DAPK1: variants seen among roughly 807,000 people sequenced by gnomAD.
The protein encoded by DAPK1 is death associated protein kinase 1, also known as death-associated protein kinase 1.
A neutral mutation model predicts 144.9 loss-of-function variants in DAPK1; 56 were observed. That is an observed-to-expected ratio of 0.39 (90% CI 0.31 to 0.48). The LOEUF (loss-of-function observed/expected upper bound fraction) is 0.48, where lower values mean the gene tolerates loss of function less well. Ranked by LOEUF, DAPK1 falls within the 20% of genes least tolerant of loss-of-function variation. The pLI is 0.95. For missense variants in DAPK1, 1,454 were observed against 1,875.4 expected (o/e 0.78, Z 4.15); for synonymous variants, 690 against 749.0 (o/e 0.92, Z 1.29).
In DAPK1 at chr9:87,707,207, A is replaced by G; in HGVS notation, c.4136A>G (p.Lys1379Arg). ...PESTVGTLMS[K>R]LRELGRRDAA... is the part of the protein sequence containing the mutation. ...AGCACAGTGGGCACCCTCATGTCCA[A>G]ACTGAGGGAGCTGGGTCGCCGGGAT... is the stretch of plus-strand genomic sequence containing the variant. The change falls in exon 26 of 26, where the codon AAA becomes AGA. Residue 1379 changes from lysine (K) to arginine (R), a missense_variant. Transcript: ENST00000408954. This position sits in a 1 kb window ranked among gnomAD's most constrained non-coding sequence, Gnocchi z 4.0. 1 of 1,614,158 alleles carries G rather than the reference A, an allele frequency of 6.2e-7. No homozygotes were observed. Among genetic ancestry groups the G allele is most frequent in the Non-Finnish European group, 8.5e-7 (1 of 1,180,032 alleles).
At chr9:87,616,797 G>A (rs1371396832) in intron 3 of DAPK1, among the ~76,000 whole-genome samples, 4 of 152,198 alleles carry the variant, frequency 2.6e-5, no homozygotes, top group Non-Finnish European at 4.4e-5. Flanking sequence ...TCAGTAGAGG[G>A]CCTCAGCCAA....
chr9:87,610,280 T>G (rs1828877838), intron 3 of DAPK1, among the ~76,000 whole-genome samples: 1 of 152,264 alleles, frequency 6.6e-6, no homozygotes, highest in African/African-American at 2.4e-5. Flanking sequence ...TTTCATGTCC[T>G]CCACGTCCCA....
intron 3 of DAPK1, among the ~76,000 whole-genome samples, chr9:87,605,951 G>C (rs1276409127): frequency 3.3e-5 from 5 of 152,212 alleles, no homozygotes; most frequent in African/African-American, 1.2e-4. Flanking sequence ...TTTTGGGATG[G>C]AGGCGAGATG....
chr9:87,509,259 G>C (rs954321845), intron 2 of DAPK1, among the ~76,000 whole-genome samples: 2 of 152,176 alleles, frequency 1.3e-5, no homozygotes, highest in South Asian at 2.1e-4. Context: ...CTGTCCTTAG[G>C]AATTTGGTAA....
At chr9:87,674,191 T>G (rs1261315579) in intron 19 of DAPK1, among the ~76,000 whole-genome samples, 3 of 152,142 alleles carry the variant, frequency 2.0e-5, no homozygotes, top group African/African-American at 7.2e-5. Context: ...CTAATCAGAT[T>G]TTCCGTAAGC....
At chr9:87,573,605 C>CA (rs2118767333) in intron 2 of DAPK1, among the ~76,000 whole-genome samples, 1 of 152,336 alleles carries the variant, frequency 6.6e-6, no homozygotes, top group South Asian at 2.1e-4. Context: ...TCTTCCTGAC[C>CA]ACCAAGGATC....
chr9:87,631,640 T>A (rs1167829077), intron 3 of DAPK1, among the ~76,000 whole-genome samples: 1 of 152,250 alleles, frequency 6.6e-6, no homozygotes, highest in Non-Finnish European at 1.5e-5. Flanking sequence ...TCAGCCTCCC[T>A]TCTCCTAAGC....
intron 3 of DAPK1, among the ~76,000 whole-genome samples, chr9:87,619,437 G>A (rs1829214293): frequency 6.6e-6 from 1 of 152,160 alleles, no homozygotes; most frequent in African/African-American, 2.4e-5. Flanking sequence ...AGGGAGACTG[G>A]CTGGGAAACA....
At chr9:87,699,303 A>C (rs1213874825) in intron 23 of DAPK1, among the ~76,000 whole-genome samples, 1 of 152,168 alleles carries the variant, frequency 6.6e-6, no homozygotes, top group Non-Finnish European at 1.5e-5. Flanking sequence ...AGCTGTTTAG[A>C]TTTCAGTACT....
rs1448202343 is a variant in DAPK1, at chr9:87,700,122, G to T, written c.2756G>T (p.Gly919Val). Residue 919 changes from glycine to valine, a missense_variant, in exon 24 of 26, where the codon GGA (glycine) becomes GTA (valine). Physicochemically the swap from Gly to Val is moderately radical, Grantham distance 109. Coordinates refer to ENST00000408954, the MANE Select transcript of DAPK1 (RefSeq NM_004938.4). ...SLLKEIRNRF[G>V]NDLHISNKLF... The stretch of plus-strand genomic sequence containing the variant: ...GGCTGCTGCTCTTCCCTTAGGTTTG[G>T]AAATGATCTTCACATTTCAAATAAG... 4 of 1,612,202 alleles carry T rather than the reference G, an allele frequency of 2.5e-6. No individual in the cohort carries two copies.
chr9:87,571,528 C>CACACACACACACACACACACACA (rs55676810), intron 2 of DAPK1, among the ~76,000 whole-genome samples: 4 of 135,622 alleles, frequency 2.9e-5, no homozygotes, highest in Admixed American at 7.2e-5. Context: ...CACACACACA[C>CACACACACACACACACACACACA]CAGAAGCGAA....
intron 2 of DAPK1, among the ~76,000 whole-genome samples, chr9:87,539,824 G>A (rs941377631): frequency 5.9e-5 from 9 of 151,962 alleles, no homozygotes; most frequent in Admixed American, 2.0e-4. Flanking sequence ...GTCTACATTC[G>A]CTGACTGTCT....
chr9:87,656,509 C>G (rs1014034246), intron 17 of DAPK1, among the ~76,000 whole-genome samples: 4 of 152,228 alleles, frequency 2.6e-5, no homozygotes, highest in African/African-American at 9.6e-5. Context: ...AAAACTTTCC[C>G]TTTTCCTTCT....
chr9:87,626,239 AACCC>A (rs1829484285), intron 3 of DAPK1, among the ~76,000 whole-genome samples: 1 of 152,182 alleles, frequency 6.6e-6, no homozygotes, highest in Non-Finnish European at 1.5e-5. Context: ...AACATGGTGA[AACCC>A]TGTCTCAACT....
At chr9:87,694,979 C>T (rs1825206511) in intron 21 of DAPK1, among the ~76,000 whole-genome samples, 1 of 152,168 alleles carries the variant, frequency 6.6e-6, no homozygotes, top group Non-Finnish European at 1.5e-5. Flanking sequence ...GTGAAGGGTC[C>T]CCCTGCACCA....
At chr9:87,572,037 G>C (rs531936944) in intron 2 of DAPK1, among the ~76,000 whole-genome samples, 1 of 152,318 alleles carries the variant, frequency 6.6e-6, no homozygotes, top group East Asian at 1.9e-4. Flanking sequence ...GTCATGCCAA[G>C]GGCTGGGAAT....
At chr9:87,611,193 A>G (rs1828912750) in intron 3 of DAPK1, among the ~76,000 whole-genome samples, 2 of 152,250 alleles carry the variant, frequency 1.3e-5, no homozygotes, top group Non-Finnish European at 2.9e-5. Context: ...ACAGTTTAAA[A>G]CAGTGGCTCT....
intron 2 of DAPK1, among the ~76,000 whole-genome samples, chr9:87,556,705 C>T (rs556034857): frequency 1.3e-5 from 2 of 152,334 alleles, no homozygotes; most frequent in East Asian, 1.9e-4. Context: ...TGGTACTTCT[C>T]GCTCCAGGAG....
chr9:87,602,922 T>TTCTCTCTCTCTCTCTCTCTCTCTCTCTC (rs143584239), intron 2 of DAPK1, among the ~76,000 whole-genome samples: 5 of 146,420 alleles, frequency 3.4e-5, no homozygotes, highest in African/African-American at 1.0e-4. Flanking sequence ...GTCTCTCTGT[T>TTCTCTCTCTCTCTCTCTCTCTCTCTCTC]TCTCTCTCTC....
Sources: gnomAD v4.1 joint callset for allele counts (sites outside exome capture counted in the v4.1 genomes callset) on GRCh38, gnomAD v4.1.1 for gene constraint, Gnocchi (gnomAD v3.1) non-coding constraint, MANE v1.5 for transcripts, NCBI Gene and HGNC (gene_info 2026-07-23, HGNC 2026-07-21) for gene names.